The following OAT variants were observed in gnomAD, a reference collection of about 807,000 sequenced individuals.
OAT encodes the protein ornithine aminotransferase, mitochondrial.
In OAT, 35 loss-of-function variants were observed where a neutral mutation model predicts 48.4. The ratio of observed to expected loss-of-function variants is 0.72; its 90% CI spans 0.55 to 0.96. The LOEUF (loss-of-function observed/expected upper bound fraction) is 0.96. Among genes scored for constraint, OAT ranks in the 40% least tolerant of loss-of-function variants. OAT has a pLI of 0.00. For synonymous variants in OAT, 182 were observed against 198.4 expected (o/e 0.92, Z 0.70); for missense variants, 438 against 537.9 (o/e 0.81, Z 1.84).
At chr10:124,405,966 A>C (rs1288067579) in intron 4 of OAT, 1 of 1,102,840 alleles carries the variant, frequency 9.1e-7, no homozygotes, top group Non-Finnish European at 1.1e-6. Context: ...TTCATAGACA[A>C]TTAGCGGTTT....
rs192417799 is a variant in OAT, at chr10:124,407,727, A to T, written c.520+815T>A. ...ACAAATGTACACATACTTGTTTTTT[A>T]AAAAAATAAAGCTTAAAAAACAAGT... On this transcript the variant is annotated intron_variant, in intron 4 of 9. Transcript: ENST00000368845. Among the ~76,000 whole-genome samples the T allele has an allele frequency of 2.4e-3, 370 of 152,288 alleles. 2 individuals are homozygous for T. Among genetic ancestry groups the T allele is most frequent in the African/African-American group, 8.4e-3 (350 of 41,562 alleles).
Position 124,402,048 on chromosome 10 carries a change from G to GTTATTTATTTATTTATTTATTTATTTAT in OAT, c.901-210_901-209insATAAATAAATAAATAAATAAATAAATAA, listed in dbSNP as rs561875325. Among the ~76,000 whole-genome samples the GTTATTTATTTATTTATTTATTTATTTAT allele has an allele frequency of 6.0e-3, 913 of 151,292 alleles. 14 individuals are homozygous for GTTATTTATTTATTTATTTATTTATTTAT. The highest frequency in any genetic ancestry group is 0.021 in the African/African-American group (868 of 41,108). The stretch of plus-strand genomic sequence containing the variant: ...AGGTGCCCACCACCACACCACACAT[G>GTTATTTATTTATTTATTTATTTATTTAT]TTATTTATTTATTTATTTATTTTGT... On this transcript the variant is annotated intron_variant, in intron 7 of 9. Transcript: ENST00000368845.
At chr10:124,407,447 T>C in intron 4 of OAT, 1 of 985,290 alleles carries the variant, frequency 1.0e-6, no homozygotes, top group Non-Finnish European at 1.2e-6. Context: ...AGAAACACCA[T>C]TTTTGTTTGC....
chr10:124,399,335 A>ATTTTTTTTTTTTTTTTT lies in OAT; in HGVS notation c.1160-1234_1160-1233insAAAAAAAAAAAAAAAAA, dbSNP rs1427092729. On this transcript the variant is annotated intron_variant, in intron 9 of 9. Coordinates refer to ENST00000368845, the MANE Select transcript of OAT (RefSeq NM_000274.4). ...ATTTTTTTAAGAAGCTCCCCAGGTG[A>ATTTTTTTTTTTTTTTTT]TTCTTTTTTTTTTTTTTTTTTTTTT... Among the ~76,000 whole-genome samples the ATTTTTTTTTTTTTTTTT allele has an allele frequency of 5.0e-5, 5 of 100,376 alleles. 2 individuals are homozygous for ATTTTTTTTTTTTTTTTT. Among genetic ancestry groups the ATTTTTTTTTTTTTTTTT allele is most frequent in the Non-Finnish European group, 3.9e-5 (2 of 50,748 alleles). The allele number at this position is 100,376 out of a possible 152,430, so 65.9% of individuals were successfully genotyped here.
At chr10:124,417,527 C>A (rs182633175) in intron 1 of OAT, among the ~76,000 whole-genome samples, 20 of 152,208 alleles carry the variant, frequency 1.3e-4, no homozygotes, top group Non-Finnish European at 1.9e-4. Context: ...TCAGGTGATC[C>A]GCCTGCCTGG....
chr10:124,403,515 T>C (rs925941844), intron 6 of OAT, among the ~76,000 whole-genome samples: 4 of 152,320 alleles, frequency 2.6e-5, no homozygotes, highest in Admixed American at 1.3e-4. Context: ...GAAAGGCTCT[T>C]AGAGCAGCGA....
At position 124,403,795 on chromosome 10, in the gene OAT, A is replaced by G. The variant is rs764511734; in HGVS notation, c.771+3T>C. On this transcript the variant is annotated splice_donor_region_variant and intron_variant, in intron 6 of 9. Transcript: ENST00000368845. ...CCTTATCACAAACAGCTAACGTGAC[A>G]ACCTGGTGCCTGGTGCAGAGCTCTC... 1.9e-6 allele frequency: 3 copies of G among 1,614,012 alleles called. No individual in the cohort carries two copies. In the African/African-American group the frequency reaches 4.0e-5, roughly 22 times the overall value.
intron 9 of OAT, among the ~76,000 whole-genome samples, chr10:124,398,914 G>T (rs1951315943): frequency 6.6e-6 from 1 of 152,090 alleles, no homozygotes; most frequent in South Asian, 2.1e-4. Context: ...CTACTCAGGA[G>T]GCTGAGGCAG....
chr10:124,407,268 C>T (rs12570656), intron 4 of OAT: 1 of 985,372 alleles, frequency 1.0e-6, no homozygotes, highest in Non-Finnish European at 1.2e-6. Flanking sequence ...GAACCTCATC[C>T]TCAGTCACTT....
chr10:124,406,821 A>AAT, intron 4 of OAT: 2 of 323,630 alleles, frequency 6.2e-6, no homozygotes, highest in Non-Finnish European at 8.8e-6. Flanking sequence ...AAAAAAAAAA[A>AAT]GTTGGGAAAT....
intron 4 of OAT, among the ~76,000 whole-genome samples, chr10:124,408,341 A>ATTT (rs1218819511): frequency 2.0e-5 from 2 of 99,490 alleles, no homozygotes; most frequent in Non-Finnish European, 3.9e-5. Context: ...ATATATATAT[A>ATTT]TATTTTTTTT....
At chr10:124,399,031 T>A (rs1183707056) in intron 9 of OAT, among the ~76,000 whole-genome samples, 1 of 150,530 alleles carries the variant, frequency 6.6e-6, no homozygotes, top group Non-Finnish European at 1.5e-5. Flanking sequence ...AGGCACTGTC[T>A]CAAAAAATAA....
intron 4 of OAT, chr10:124,406,896 C>G: frequency 1.1e-6 from 1 of 931,636 alleles, no homozygotes; most frequent in Non-Finnish European, 1.3e-6. Context: ...AGGGAGAAAA[C>G]ACCTGACATA....
At chr10:124,405,664 T>C (rs759819652) in intron 4 of OAT, 101 bp from the exon 5 acceptor site, 32 of 1,562,284 alleles carry the variant, frequency 2.0e-5, no homozygotes, top group Non-Finnish European at 2.7e-5. Flanking sequence ...AAAAAATAAA[T>C]CAAGGGCTTG....
chr10:124,411,132 T>C (rs538043788), intron 2 of OAT, among the ~76,000 whole-genome samples: 79 of 77,392 alleles, frequency 1.0e-3, no homozygotes, highest in African/African-American at 3.7e-3. Context: ...AAAGCGACAT[T>C]CCGTCTCAAA....
intron 2 of OAT, among the ~76,000 whole-genome samples, chr10:124,411,139 C>CAAAAAA (rs370084432): frequency 2.0e-4 from 3 of 14,998 alleles, no homozygotes; most frequent in African/African-American, 1.9e-4. Context: ...CATTCCGTCT[C>CAAAAAA]AAAAAAAAAA....
intron 1 of OAT, chr10:124,414,988 G>A (rs1466423904): frequency 7.3e-6 from 1 of 137,718 alleles, no homozygotes; most frequent in Non-Finnish European, 1.5e-5. Context: ...TAAGACTAAG[G>A]TGGAAAGATC....
At chr10:124,402,899 A>G in intron 7 of OAT, 28 bp downstream of exon 7, 1 of 1,612,560 alleles carries the variant, frequency 6.2e-7, no homozygotes, top group Non-Finnish European at 8.5e-7. Context: ...AGAGTAGGAA[A>G]TGGAAAGAGG....
intron 5 of OAT, 134 bp downstream of exon 5, chr10:124,405,302 C>T (rs1319889394): frequency 6.1e-6 from 8 of 1,320,730 alleles, no homozygotes; most frequent in Non-Finnish European, 8.4e-6. Context: ...CTACTGAGAA[C>T]AAGTCTGAAA....
Sources: allele counts gnomAD v4.1 joint callset (sites outside exome capture counted in the v4.1 genomes callset), GRCh38; gene constraint gnomAD v4.1.1; transcripts MANE v1.5; gene names NCBI Gene and HGNC (gene_info 2026-07-23, HGNC 2026-07-21).